SYNPO2: variants seen among roughly 807,000 people sequenced by gnomAD.
The protein encoded by SYNPO2 is synaptopodin-2.
A neutral mutation model predicts 85.0 loss-of-function variants in SYNPO2; 56 were observed. That is an observed-to-expected ratio of 0.66 (90% CI 0.53 to 0.82). The LOEUF (loss-of-function observed/expected upper bound fraction) is 0.82, where lower values mean the gene tolerates loss of function less well. Among genes scored for constraint, SYNPO2 ranks in the 40% least tolerant of loss-of-function variants. The pLI is 0.00. For synonymous variants in SYNPO2, 602 were observed against 591.1 expected (o/e 1.02, Z -0.27); for missense variants, 1,575 against 1,534.2 (o/e 1.03, Z -0.44).
In SYNPO2 at chr4:118,959,036, G is replaced by A. The variant is rs140539489; in HGVS notation, c.106-64394G>A. ...GTATATTTCTATTCAAAGGATTTTA[G>A]GATCTGTTTATTCATCAATTAGTAA... On this transcript the variant is annotated intron_variant, in intron 1 of 4. Coordinates refer to ENST00000307142, the MANE Select transcript of SYNPO2 (RefSeq NM_133477.3). Among the ~76,000 whole-genome samples, 53 of 152,212 alleles carry A rather than the reference G, an allele frequency of 3.5e-4. No individual in the cohort carries two copies. In the East Asian group the frequency reaches 9.6e-3, roughly 28 times the overall value.
intron 1 of SYNPO2, among the ~76,000 whole-genome samples, chr4:118,955,092 C>T (rs770057081): frequency 3.3e-5 from 5 of 150,962 alleles, no homozygotes; most frequent in East Asian, 2.0e-4. Flanking sequence ...CTCTGCCTCC[C>T]GGGTTCAAGT....
rs746083656 is a variant in SYNPO2, at chr4:119,058,726, G to C, written c.*792G>C. 11 of 152,034 alleles carry C rather than the reference G, an allele frequency of 7.2e-5. No individual in the cohort carries two copies. The highest frequency in any genetic ancestry group is 1.5e-4 in the Non-Finnish European group (10 of 68,016). 9.4% of individuals were successfully genotyped at this position (152,034 alleles called of 1,614,324 possible). A position where few individuals can be genotyped will look rare whatever the true frequency, so the allele number is the denominator to read the frequency against. ...CTGACCTCGTGATCTGCCCGCCTCA[G>C]CCTCCCAAAGTGCTGGGATTACAGG... On this transcript the variant is annotated 3_prime_UTR_variant, in exon 5 of 5. Transcript: ENST00000307142.
At chr4:119,045,401 T>C (rs1377526787) in intron 4 of SYNPO2, among the ~76,000 whole-genome samples, 2 of 152,056 alleles carry the variant, frequency 1.3e-5, no homozygotes, top group African/African-American at 4.8e-5. Context: ...CAATGAGCTA[T>C]GATAACACCA....
At chr4:118,929,215 G>A (rs1261541815) in intron 1 of SYNPO2, among the ~76,000 whole-genome samples, 2 of 151,932 alleles carry the variant, frequency 1.3e-5, no homozygotes, top group East Asian at 1.9e-4. Flanking sequence ...AGAAGAGGAA[G>A]TGGAAGAGCA....
intron 1 of SYNPO2, among the ~76,000 whole-genome samples, chr4:118,902,571 CAT>C (rs1215881076): frequency 1.3e-5 from 2 of 152,140 alleles, no homozygotes; most frequent in Non-Finnish European, 2.9e-5. Context: ...CCTCCCATAA[CAT>C]GTGGGAATTA....
chr4:118,974,980 A>G (rs899314143), intron 1 of SYNPO2, among the ~76,000 whole-genome samples: 1 of 152,212 alleles, frequency 6.6e-6, no homozygotes, highest in Non-Finnish European at 1.5e-5. Flanking sequence ...CAAACCAATA[A>G]TAATTTCTCA....
intron 4 of SYNPO2, among the ~76,000 whole-genome samples, chr4:119,046,074 C>T (rs1467090482): frequency 6.6e-6 from 1 of 152,138 alleles, no homozygotes; most frequent in African/African-American, 2.4e-5. Context: ...ACCTAATTTA[C>T]ATGCCTCACT....
rs114660757 is a variant in SYNPO2, at chr4:118,865,967, G to C, written c.12+15027G>C. 5.6e-3 allele frequency among the ~76,000 whole-genome samples: 852 copies of C among 152,298 alleles called. 12 individuals are homozygous for C. Among genetic ancestry groups the C allele is most frequent in the African/African-American group, 0.019 (781 of 41,564 alleles). The stretch of plus-strand genomic sequence containing the variant: ...GCTGGTGTGGGATTGGAACCCAGGA[G>C]AGTGAAGCTGATTCACAACACTTCA... On this transcript the variant is annotated intron_variant, in intron 1 of 4. Transcript: ENST00000610556.
chr4:118,857,561 A>G (rs1361983360), intron 1 of SYNPO2, among the ~76,000 whole-genome samples: 1 of 152,088 alleles, frequency 6.6e-6, no homozygotes, highest in Non-Finnish European at 1.5e-5. Flanking sequence ...TGGTTCACTG[A>G]AACAAGACAG....
chr4:119,005,891 T>C (rs971689227), intron 1 of SYNPO2: 1 of 152,186 alleles, frequency 6.6e-6, no homozygotes, highest in Non-Finnish European at 1.5e-5. Context: ...TCTAGGAACA[T>C]TAAAATCCAG....
At chr4:118,955,831 T>C (rs1260498947) in intron 1 of SYNPO2, among the ~76,000 whole-genome samples, 1 of 151,504 alleles carries the variant, frequency 6.6e-6, no homozygotes, top group Non-Finnish European at 1.5e-5. Flanking sequence ...GAAAAAAAAA[T>C]GTTTGAGGGA....
At chr4:119,025,061 C>T (rs965179262) in intron 2 of SYNPO2, among the ~76,000 whole-genome samples, 1 of 152,182 alleles carries the variant, frequency 6.6e-6, no homozygotes, top group Non-Finnish European at 1.5e-5. Context: ...TGTTTTAAGG[C>T]ATAAAGCTTT....
At chr4:119,019,184 A>C (rs1005435352) in intron 1 of SYNPO2, among the ~76,000 whole-genome samples, 2 of 152,194 alleles carry the variant, frequency 1.3e-5, no homozygotes, top group Non-Finnish European at 2.9e-5. Flanking sequence ...CTCTGTAACA[A>C]ACCTTCACAT....
Position 119,061,055 on chromosome 4 carries a change from G to A in SYNPO2, c.*3121G>A, listed in dbSNP as rs964668158. 6.6e-6 allele frequency: 1 copy of A among 151,798 alleles called. No homozygotes were observed. Among genetic ancestry groups the A allele is most frequent in the Admixed American group, 6.6e-5 (1 of 15,220 alleles). The allele number at this position is 151,798 out of a possible 1,614,324, so 9.4% of individuals were successfully genotyped here. On this transcript the variant is annotated 3_prime_UTR_variant, in exon 5 of 5. Coordinates refer to ENST00000307142, the MANE Select transcript of SYNPO2 (RefSeq NM_133477.3). Reference sequence around the variant, plus strand: ...GAAATATTTGTTTTTTTAAGAGAAAGTAAATTTTCACATTAGATTTCTATT... The same window carrying A: ...GAAATATTTGTTTTTTTAAGAGAAAATAAATTTTCACATTAGATTTCTATT...
chr4:118,876,671 TTCTTTCTTTCTTTC>T (rs1199254253), intron 1 of SYNPO2, among the ~76,000 whole-genome samples: 18 of 2,080 alleles, frequency 8.7e-3, no homozygotes, highest in African/African-American at 0.026. Flanking sequence ...TCCTTTCTCT[TTCTTTCTTTCTTTC>T]TTTCTTTCTT....
chr4:119,035,458 A>C, intron 4 of SYNPO2: 1 of 985,424 alleles, frequency 1.0e-6, no homozygotes, highest in Non-Finnish European at 1.2e-6. Flanking sequence ...GAAAACAAAC[A>C]CAGTTTCTGC....
At chr4:118,883,427 A>T (rs145724637) in intron 1 of SYNPO2, among the ~76,000 whole-genome samples, 1 of 152,228 alleles carries the variant, frequency 6.6e-6, no homozygotes, top group Non-Finnish European at 1.5e-5. Context: ...TTATTGCAGA[A>T]TAAGTCGTTC....
intron 4 of SYNPO2, chr4:119,035,791 T>TGGCAGCAAGA (rs1281406361): frequency 1.1e-5 from 11 of 968,272 alleles, no homozygotes; most frequent in Non-Finnish European, 1.1e-5. Flanking sequence ...AATTCTAGCC[T>TGGCAGCAAGA]GGCAGCAAGA....
intron 1 of SYNPO2, among the ~76,000 whole-genome samples, chr4:118,949,813 C>T (rs1006801439): frequency 6.6e-6 from 1 of 151,974 alleles, no homozygotes; most frequent in Non-Finnish European, 1.5e-5. Context: ...GAACTAGGGG[C>T]TTCTACACAT....
Sources: allele counts gnomAD v4.1 joint callset (sites outside exome capture counted in the v4.1 genomes callset), GRCh38; gene constraint gnomAD v4.1.1; transcripts MANE v1.5; gene names NCBI Gene and HGNC (gene_info 2026-07-23, HGNC 2026-07-21).